MAP3K13: variants seen among roughly 807,000 people sequenced by gnomAD.
MAP3K13 encodes mitogen-activated protein kinase kinase kinase 13, also known as leucine zipper-bearing kinase.
MAP3K13 carries 52 observed loss-of-function variants against 104.0 expected under a neutral mutation model. That is an observed-to-expected ratio of 0.50 (90% CI 0.40 to 0.63). The LOEUF is 0.63. Among genes scored for constraint, MAP3K13 ranks in the 20% least tolerant of loss-of-function variants. The pLI is 0.00. For synonymous variants in MAP3K13, 394 were observed against 442.2 expected (o/e 0.89, Z 1.37); for missense variants, 914 against 1,218.5 (o/e 0.75, Z 3.72).
At chr3:185,413,526 TA>T (rs1713567498) in intron 1 of MAP3K13, among the ~76,000 whole-genome samples, 1 of 152,122 alleles carries the variant, frequency 6.6e-6, no homozygotes, top group South Asian at 2.1e-4. Context: ...GTTTTAATGT[TA>T]AAAACAGAAT....
At chr3:185,417,009 C>A (rs1713820350) in intron 1 of MAP3K13, among the ~76,000 whole-genome samples, 1 of 151,014 alleles carries the variant, frequency 6.6e-6, no homozygotes, top group Non-Finnish European at 1.5e-5. Flanking sequence ...CATTTCAATT[C>A]TTGTTCTCCT....
chr3:185,418,784 A>AGAGAG lies in MAP3K13; in HGVS notation c.-85-9708_-85-9704dup. ...ATTGGGCGAGCACACGCCATGGCGGAGAGAGGAGACAGCCACGCTCCTCTC... is the reference window on the plus strand; with the variant it reads ...ATTGGGCGAGCACACGCCATGGCGGAGAGAGGAGAGGAGACAGCCACGCTCCTCTC... On this transcript the variant is annotated intron_variant, in intron 1 of 13. Transcript: ENST00000265026. This position sits in a 1 kb window ranked among gnomAD's most constrained non-coding sequence, Gnocchi z 4.5. 6.3e-7 allele frequency: 1 copy of AGAGAG among 1,596,946 alleles called. No individual in the cohort carries two copies. Among genetic ancestry groups the AGAGAG allele is most frequent in the Non-Finnish European group, 8.6e-7 (1 of 1,167,688 alleles).
At chr3:185,354,571 A>C (rs1357979237) in intron 2 of MAP3K13, among the ~76,000 whole-genome samples, 2 of 144,282 alleles carry the variant, frequency 1.4e-5, no homozygotes, top group Non-Finnish European at 3.0e-5. Flanking sequence ...AGAGCTCATC[A>C]AGAGCCTCAA....
At chr3:185,292,681 G>A in intron 2 of MAP3K13, 1 of 985,422 alleles carries the variant, frequency 1.0e-6, no homozygotes. Flanking sequence ...AGGAAGGTAG[G>A]TGATTTAAAC....
chr3:185,482,400 G>A lies in MAP3K13; in HGVS notation c.2845G>A (p.Glu949Lys), dbSNP rs1718516668. The A allele has an allele frequency of 6.2e-7, 1 of 1,614,120 alleles. No individual in the cohort carries two copies. The highest frequency in any genetic ancestry group is 8.5e-7 in the Non-Finnish European group (1 of 1,180,000). The change falls in exon 14 of 14, where the codon GAG becomes AAG. Residue 949 changes from glutamate to lysine, a missense_variant. Physicochemically the swap from Glu to Lys is moderately conservative, Grantham distance 56. Around this residue, in one of 3 missense-constraint regions of MAP3K13, gnomAD observed 583 missense variants for 737.4 expected, o/e 0.79. Coordinates refer to ENST00000265026, the MANE Select transcript of MAP3K13 (RefSeq NM_004721.5). The surrounding 1 kb of genome is among the most constrained non-coding windows in gnomAD (Gnocchi z 4.5). ...ATCGGACTGTGACTCTTCAGATGGG[G>A]AGTGTTCTGATGCCACAGTTAGGAC... ...EESDCDSSDG[E>K]CSDATVRTNK...
intron 2 of MAP3K13, chr3:185,329,228 T>G: frequency 1.4e-6 from 1 of 703,144 alleles, no homozygotes; most frequent in Non-Finnish European, 2.6e-6. Context: ...TGAGTGCAAG[T>G]GTTTACAGTT....
chr3:185,461,284 T>G (rs745773108), intron 7 of MAP3K13, among the ~76,000 whole-genome samples: 2 of 152,224 alleles, frequency 1.3e-5, no homozygotes, highest in Non-Finnish European at 2.9e-5. Flanking sequence ...ATGGCATTGT[T>G]GGATAGATTT....
chr3:185,320,399 T>C (rs1177213899), intron 2 of MAP3K13, among the ~76,000 whole-genome samples: 1 of 152,182 alleles, frequency 6.6e-6, no homozygotes, highest in Admixed American at 6.5e-5. Context: ...TGACTTTTAG[T>C]GTAGAAAGGC....
At chr3:185,324,018 T>A (rs1483759963) in intron 2 of MAP3K13, among the ~76,000 whole-genome samples, 2 of 152,114 alleles carry the variant, frequency 1.3e-5, no homozygotes, top group Non-Finnish European at 2.9e-5. Flanking sequence ...TTTTTATTTA[T>A]TCATTTTTTT....
rs145151189 is a variant in MAP3K13, at chr3:185,440,536, C to T, written c.659+2906C>T. ...CAAGCTTTCCTAAGAGACATATAAC[C>T]GGAACTTGAAAAAAAATTATTAAAA... On this transcript the variant is annotated intron_variant, in intron 3 of 13. Transcript: ENST00000265026. Among the ~76,000 whole-genome samples the T allele has an allele frequency of 2.8e-3, 424 of 151,852 alleles. 1 individual carries two copies. Among genetic ancestry groups the T allele is most frequent in the African/African-American group, 1.0e-2 (413 of 41,408 alleles).
intron 2 of MAP3K13, among the ~76,000 whole-genome samples, chr3:185,430,716 T>TA (rs1714694567): frequency 6.6e-6 from 1 of 152,076 alleles, no homozygotes; most frequent in African/African-American, 2.4e-5. Context: ...AAAATACAGG[T>TA]AAGCTCCAAA....
chr3:185,385,174 A>G (rs1311791106), intron 1 of MAP3K13, among the ~76,000 whole-genome samples: 2 of 152,030 alleles, frequency 1.3e-5, no homozygotes, highest in Non-Finnish European at 2.9e-5. Flanking sequence ...TTTTGGAGGC[A>G]AAGTCTCACT....
chr3:185,346,179 C>A (rs1030833220), intron 2 of MAP3K13, among the ~76,000 whole-genome samples: 2 of 152,098 alleles, frequency 1.3e-5, no homozygotes, highest in Non-Finnish European at 1.5e-5. Flanking sequence ...CCCAATAACG[C>A]GTTTTCTTAA....
chr3:185,466,992 A>G (rs953261194), intron 10 of MAP3K13, 29 bp downstream of exon 10: 27 of 1,613,196 alleles, frequency 1.7e-5, no homozygotes, highest in Non-Finnish European at 2.2e-5. Context: ...CGCAGTATTC[A>G]GATAAATAGG....
chr3:185,366,509 C>T (rs767204312), intron 1 of MAP3K13, among the ~76,000 whole-genome samples: 4 of 152,146 alleles, frequency 2.6e-5, no homozygotes, highest in African/African-American at 9.7e-5. Context: ...TCAGGAGATG[C>T]CAAATTGTTT....
At chr3:185,335,902 A>C (rs1034839353) in intron 2 of MAP3K13, among the ~76,000 whole-genome samples, 1 of 152,072 alleles carries the variant, frequency 6.6e-6, no homozygotes, top group Non-Finnish European at 1.5e-5. Context: ...AGCAAACTCC[A>C]GGTTATTAAC....
At chr3:185,300,483 T>A (rs1721065472) in intron 2 of MAP3K13, among the ~76,000 whole-genome samples, 1 of 150,866 alleles carries the variant, frequency 6.6e-6, no homozygotes, top group African/African-American at 2.4e-5. Flanking sequence ...CCTATTTCCT[T>A]ATTTTTTTTT....
chr3:185,456,236 A>G (rs984605097), intron 7 of MAP3K13, among the ~76,000 whole-genome samples: 11 of 152,128 alleles, frequency 7.2e-5, no homozygotes, highest in Admixed American at 7.2e-4. Context: ...TGATCCATAA[A>G]CTTAGATCTC....
intron 2 of MAP3K13, among the ~76,000 whole-genome samples, chr3:185,321,155 GCA>G (rs956602564): frequency 4.1e-5 from 6 of 145,640 alleles, no homozygotes; most frequent in East Asian, 2.1e-4. Flanking sequence ...ATATATGCGT[GCA>G]CACACATATG....
Sources: allele counts gnomAD v4.1 joint callset (sites outside exome capture counted in the v4.1 genomes callset), GRCh38; gene constraint gnomAD v4.1.1; regional missense constraint gnomAD v4.1.1; non-coding constraint Gnocchi (gnomAD v3.1); transcripts MANE v1.5; gene names NCBI Gene and HGNC (gene_info 2026-07-23, HGNC 2026-07-21).